Variants in SERINC5 observed in about 807,000 individuals in gnomAD.
SERINC5 encodes serine incorporator 5, also known as chromosome 5 open reading frame 12.
A neutral mutation model predicts 63.1 loss-of-function variants in SERINC5; 41 were observed. The ratio of observed to expected loss-of-function variants is 0.65; its 90% CI spans 0.51 to 0.84. The LOEUF is 0.84. Among genes scored for constraint, SERINC5 ranks in the 40% least tolerant of loss-of-function variants. The pLI, the probability that SERINC5 is intolerant of heterozygous loss-of-function variation, is 0.00. For synonymous variants in SERINC5, 222 were observed against 215.2 expected (o/e 1.03, Z -0.28); for missense variants, 523 against 573.0 (o/e 0.91, Z 0.89).
At chr5:80,212,474 G>C (rs1750477201) in intron 1 of SERINC5, among the ~76,000 whole-genome samples, 1 of 152,112 alleles carries the variant, frequency 6.6e-6, no homozygotes, top group African/African-American at 2.4e-5. Context: ...TGAAGCTTTA[G>C]GGTTACCTTT....
intron 2 of SERINC5, among the ~76,000 whole-genome samples, 187 bp downstream of exon 2, chr5:80,202,699 G>A (rs537409074): frequency 1.3e-5 from 2 of 152,174 alleles, no homozygotes; most frequent in Non-Finnish European, 2.9e-5. Flanking sequence ...CTGTTGATTG[G>A]TTTTCCTGTT....
intron 2 of SERINC5, among the ~76,000 whole-genome samples, chr5:80,186,126 GAAAAAAAA>G (rs10554934): frequency 3.1e-4 from 19 of 61,436 alleles, no homozygotes; most frequent in South Asian, 9.0e-4. Flanking sequence ...TTCTTGTTTT[GAAAAAAAA>G]AAAAAAAAAA....
At chr5:80,148,558 T>C (rs936057475) in intron 9 of SERINC5, among the ~76,000 whole-genome samples, 7 of 151,926 alleles carry the variant, frequency 4.6e-5, no homozygotes, top group Non-Finnish European at 8.8e-5. Context: ...GTCCCAGCTA[T>C]TTGGGAGACT....
rs1744428234 is a variant in SERINC5, at chr5:80,118,705, G to A, written c.1239-5080C>T. On this transcript the variant is annotated intron_variant, in intron 11 of 12. Coordinates refer to the SERINC5 transcript ENST00000509193. ...TGGGACTACAGGCGCATGCCACCAT[G>A]TCCAGCTAATTTTTTTTTTTTTTTT... 2.1e-5 allele frequency among the ~76,000 whole-genome samples: 3 copies of A among 142,800 alleles called. No homozygotes were observed. In the South Asian group the frequency reaches 6.5e-4, roughly 31 times the overall value. 93.7% of individuals were successfully genotyped at this position (142,800 alleles called of 152,430 possible). A position where few individuals can be genotyped will look rare whatever the true frequency, so the allele number is the denominator to read the frequency against.
chr5:80,224,775 C>T (rs1052411887), intron 1 of SERINC5, among the ~76,000 whole-genome samples: 42 of 151,944 alleles, frequency 2.8e-4, no homozygotes, highest in African/African-American at 9.4e-4. Context: ...TACAGGAATG[C>T]ACCACCACGT....
chr5:80,206,616 G>C (rs1334720511), intron 1 of SERINC5, among the ~76,000 whole-genome samples: 1 of 152,038 alleles, frequency 6.6e-6, no homozygotes, highest in Non-Finnish European at 1.5e-5. Context: ...TGCATGTGTG[G>C]GTGTTTTATG....
chr5:80,144,021 C>A (rs905519318), intron 11 of SERINC5: 2 of 563,080 alleles, frequency 3.6e-6, no homozygotes, highest in Non-Finnish European at 6.2e-6. Flanking sequence ...TTCCCCATGG[C>A]CCCCTCAGCC....
intron 1 of SERINC5, among the ~76,000 whole-genome samples, chr5:80,219,935 G>A (rs1750825387): frequency 6.6e-6 from 1 of 152,040 alleles, no homozygotes. Flanking sequence ...CAGGCCAGGC[G>A]CGGTGGCTCA....
rs1270099054 is a variant in SERINC5, at chr5:80,141,585, T to C, written c.*2078A>G. The C allele has an allele frequency of 1.0e-6, 1 of 985,418 alleles. No homozygotes were observed. Among genetic ancestry groups the C allele is most frequent in the Non-Finnish European group, 1.2e-6 (1 of 830,042 alleles). The allele number at this position is 985,418 out of a possible 1,614,324, so 61.0% of individuals were successfully genotyped here. On this transcript the variant is annotated 3_prime_UTR_variant, in exon 12 of 12. Coordinates refer to ENST00000507668, the MANE Select transcript of SERINC5 (RefSeq NM_001174072.3). ...CACAATACTGCCCAGGCTCTTTACC[T>C]GCTTCCCCTCAGGGTGTTTCCTAAA...
intron 2 of SERINC5, among the ~76,000 whole-genome samples, chr5:80,181,438 G>A (rs1325149925): frequency 1.4e-5 from 2 of 146,666 alleles, no homozygotes; most frequent in Non-Finnish European, 3.1e-5. Context: ...GTGTGTGTGT[G>A]TGTGTGTACA....
At chr5:80,199,636 C>T (rs6876176) in intron 2 of SERINC5, among the ~76,000 whole-genome samples, 45,180 of 152,024 alleles carry the variant, frequency 0.3, 6,956 homozygotes, top group African/African-American at 0.32. Context: ...ATGAAATTCA[C>T]GTCCTAAAAC....
chr5:80,237,304 A>G (rs1751738915), intron 1 of SERINC5, among the ~76,000 whole-genome samples: 1 of 152,056 alleles, frequency 6.6e-6, no homozygotes, highest in African/African-American at 2.4e-5. Flanking sequence ...TCAAAAAAGG[A>G]GAATGAAATG....
Position 80,139,221 on chromosome 5 carries a change from GTTTTC to G in SERINC5, c.*4437_*4441del, listed in dbSNP as rs1008128924. 1.4e-5 allele frequency: 14 copies of G among 976,962 alleles called. No individual in the cohort carries two copies. Among genetic ancestry groups the G allele is most frequent in the Non-Finnish European group, 1.6e-5 (13 of 822,400 alleles). The allele number at this position is 976,962 out of a possible 1,614,324, so 60.5% of individuals were successfully genotyped here. A position where few individuals can be genotyped will look rare whatever the true frequency, so the allele number is the denominator to read the frequency against. On this transcript the variant is annotated 3_prime_UTR_variant, in exon 12 of 12. Transcript: ENST00000507668. The stretch of plus-strand genomic sequence containing the variant: ...AAGTTATATCTATAAAACTTTTGTA[GTTTTC>G]TTTTTGCAAAGTAAAAAGGCTTAAA...
chr5:80,117,206 A>G (rs931311683), intron 11 of SERINC5, among the ~76,000 whole-genome samples: 1 of 152,116 alleles, frequency 6.6e-6, no homozygotes, highest in African/African-American at 2.4e-5. Flanking sequence ...GCGTAAGCCA[A>G]GACTCTGCAG....
In SERINC5 at chr5:80,140,999, C is replaced by A. The variant is rs974854463; in HGVS notation, c.*2664G>T. On this transcript the variant is annotated 3_prime_UTR_variant, in exon 12 of 12. Transcript: ENST00000507668. ...TGTTATAGGAACTCAAAGCCATTGGCACAATGTTTCCAGTTTCTCAAATCA... is the reference window on the plus strand; with the variant it reads ...TGTTATAGGAACTCAAAGCCATTGGAACAATGTTTCCAGTTTCTCAAATCA... 3 of 985,266 alleles carry A rather than the reference C, an allele frequency of 3.0e-6. No homozygotes were observed. Among genetic ancestry groups the A allele is most frequent in the African/African-American group, 3.5e-5 (2 of 57,244 alleles). 61.0% of individuals were successfully genotyped at this position (985,266 alleles called of 1,614,324 possible).
intron 9 of SERINC5, 53 bp downstream of exon 9, chr5:80,150,829 T>G: frequency 7.7e-7 from 1 of 1,291,350 alleles, no homozygotes; most frequent in Non-Finnish European, 1.1e-6. Context: ...AAGGCCCTCC[T>G]GAGAAATGGA....
Position 80,139,818 on chromosome 5 carries a change from A to AC in SERINC5, c.*3844dup. On this transcript the variant is annotated 3_prime_UTR_variant, in exon 12 of 12. Transcript: ENST00000507668. Reference sequence around the variant, plus strand: ...GTTCTTTCTGGGTGTGTAAGGTCTTACTTAGTTCAAGGTTTGTCCCTTCTT... The same window carrying AC: ...GTTCTTTCTGGGTGTGTAAGGTCTTACCTTAGTTCAAGGTTTGTCCCTTCTT... 1.0e-6 allele frequency: 1 copy of AC among 985,396 alleles called. No individual in the cohort carries two copies. Among genetic ancestry groups the AC allele is most frequent in the Non-Finnish European group, 1.2e-6 (1 of 829,928 alleles). 61.0% of individuals were successfully genotyped at this position (985,396 alleles called of 1,614,324 possible). A position where few individuals can be genotyped will look rare whatever the true frequency, so the allele number is the denominator to read the frequency against.
chr5:80,256,036 T>G lies in SERINC5; in HGVS notation c.-114A>C. ...GCCGCAGCTCACACTTGAACGAAGA[T>G]CAGCCTCGGCGAAGCGCCTAGGCGC... On this transcript the variant is annotated 5_prime_UTR_variant, in exon 1 of 12. Transcript: ENST00000507668. 8.6e-7 allele frequency: 1 copy of G among 1,167,230 alleles called. No homozygotes were observed. Among genetic ancestry groups the G allele is most frequent in the Non-Finnish European group, 1.1e-6 (1 of 878,256 alleles). 72.3% of individuals were successfully genotyped at this position (1,167,230 alleles called of 1,614,324 possible). A position where few individuals can be genotyped will look rare whatever the true frequency, so the allele number is the denominator to read the frequency against.
At chr5:80,144,040 G>T (rs1360552082) in intron 11 of SERINC5, among the ~76,000 whole-genome samples, 9 of 112,834 alleles carry the variant, frequency 8.0e-5, no homozygotes, top group Admixed American at 4.9e-4. Context: ...CCCACCCCCC[G>T]CATTCACCAA....
Sources: gnomAD v4.1 joint callset for allele counts (sites outside exome capture counted in the v4.1 genomes callset) on GRCh38, gnomAD v4.1.1 for gene constraint, MANE v1.5 for transcripts, NCBI Gene and HGNC (gene_info 2026-07-23, HGNC 2026-07-21) for gene names.